USP32: variants seen among roughly 807,000 people sequenced by gnomAD.
USP32 encodes the protein ubiquitin specific peptidase 32.
Under a neutral mutation model 204.8 loss-of-function variants are expected in USP32, and 59 were observed. The observed-to-expected ratio is 0.29, with a 90% CI of 0.23 to 0.36. USP32 has a LOEUF of 0.36. Ranked by LOEUF, USP32 falls within the 10% of genes least tolerant of loss-of-function variation. The probability of loss-of-function intolerance (pLI) is 1.00; values close to 1 mark genes in which losing one functional copy is unlikely to be tolerated. For missense variants in USP32, 1,160 were observed against 1,946.4 expected (o/e 0.60, Z 7.60); for synonymous variants, 517 against 678.4 (o/e 0.76, Z 3.70).
chr17:60,405,006 C>T (rs2089964371), intron 1 of USP32, among the ~76,000 whole-genome samples: 2 of 152,016 alleles, frequency 1.3e-5, no homozygotes, highest in East Asian at 1.9e-4. Flanking sequence ...GTGAAACCCT[C>T]GTCTCTACTA....
intron 1 of USP32, among the ~76,000 whole-genome samples, chr17:60,367,950 A>T (rs1239509180): frequency 6.6e-6 from 1 of 152,016 alleles, no homozygotes; most frequent in Non-Finnish European, 1.5e-5. Context: ...CTTACACTGT[A>T]TTAGGAATTA....
At chr17:60,227,231 C>T (rs373888511) in intron 12 of USP32, among the ~76,000 whole-genome samples, 155 of 150,068 alleles carry the variant, frequency 1.0e-3, no homozygotes, top group Non-Finnish European at 1.2e-3. Flanking sequence ...TTATTGCCTT[C>T]TATTTCTGGC....
chr17:60,342,739 C>T (rs900260098), intron 2 of USP32, among the ~76,000 whole-genome samples: 11 of 152,220 alleles, frequency 7.2e-5, no homozygotes, highest in Non-Finnish European at 1.2e-4. Context: ...GAGTCAGGCA[C>T]GGGAGAGAAT....
intron 2 of USP32, among the ~76,000 whole-genome samples, chr17:60,338,972 T>C (rs1378294846): frequency 6.6e-6 from 1 of 152,102 alleles, no homozygotes; most frequent in Non-Finnish European, 1.5e-5. Flanking sequence ...AGCAGTGACG[T>C]GATCTTGGCT....
chr17:60,226,074 G>T lies in USP32; in HGVS notation c.1397C>A (p.Ser466Tyr). 3 of 1,606,290 alleles carry T rather than the reference G, an allele frequency of 1.9e-6. No individual in the cohort carries two copies. The highest frequency in any genetic ancestry group is 2.5e-6 in the Non-Finnish European group (3 of 1,177,376). Residue 466 changes from serine to tyrosine, a missense_variant, in exon 13 of 34, where the codon TCT becomes TAT. Coordinates refer to ENST00000300896, the MANE Select transcript of USP32 (RefSeq NM_032582.4). ...TTEEKFSDNISTASEASETAG... is the reference protein window; with the variant it reads ...TTEEKFSDNIYTASEASETAG... ...AGTTTCTGAGGCTTCAGATGCAGTA[G>T]AAATGTTGTCTGAAAATTTCTCTTC...
chr17:60,391,713 C>T (rs2089837518), intron 1 of USP32, among the ~76,000 whole-genome samples, 169 bp downstream of exon 1: 1 of 152,140 alleles, frequency 6.6e-6, no homozygotes, highest in African/African-American at 2.4e-5. Context: ...CCAAACGCTG[C>T]TTCCCACCCG....
chr17:60,242,649 A>G (rs1392111331), intron 11 of USP32, among the ~76,000 whole-genome samples: 1 of 152,076 alleles, frequency 6.6e-6, no homozygotes, highest in Non-Finnish European at 1.5e-5. Context: ...GACATCAGTG[A>G]AACCACCTCT....
intron 6 of USP32, among the ~76,000 whole-genome samples, chr17:60,270,559 C>T (rs1055348172): frequency 2.6e-5 from 4 of 152,164 alleles, no homozygotes; most frequent in Non-Finnish European, 5.9e-5. Context: ...CGCAGTGGCT[C>T]ACGCCTGTAA....
chr17:60,226,058 G>A lies in USP32; in HGVS notation c.1413C>T (p.Ala471=). Residue 471 remains alanine, a synonymous_variant, in exon 13 of 34, where the codon GCC becomes GCT. Coordinates refer to ENST00000300896, the MANE Select transcript of USP32 (RefSeq NM_032582.4). ...ATTTACCGCTGCCAGCAGTTTCTGAGGCTTCAGATGCAGTAGAAATGTTGT... is the reference window on the plus strand; with the variant it reads ...ATTTACCGCTGCCAGCAGTTTCTGAAGCTTCAGATGCAGTAGAAATGTTGT... ...FSDNISTASE[A]SETAGSGFLY... is the part of the protein sequence containing the mutation. 1 of 1,603,902 alleles carries A rather than the reference G, an allele frequency of 6.2e-7. No individual in the cohort carries two copies. Among genetic ancestry groups the A allele is most frequent in the Non-Finnish European group, 8.5e-7 (1 of 1,176,404 alleles).
At chr17:60,412,420 G>A (rs532437188) in intron 1 of USP32, among the ~76,000 whole-genome samples, 5 of 151,808 alleles carry the variant, frequency 3.3e-5, no homozygotes, top group South Asian at 2.1e-4. Context: ...GCGGTGGGGC[G>A]GGGGAGCAGG....
At chr17:60,214,311 G>T (rs554012629) in intron 17 of USP32, among the ~76,000 whole-genome samples, 1 of 152,096 alleles carries the variant, frequency 6.6e-6, no homozygotes, top group Non-Finnish European at 1.5e-5. Flanking sequence ...AATAATCTTT[G>T]AAAGATAGTA....
intron 2 of USP32, among the ~76,000 whole-genome samples, chr17:60,344,403 C>G (rs1447133386): frequency 2.0e-5 from 3 of 152,084 alleles, no homozygotes; most frequent in Non-Finnish European, 2.9e-5. Context: ...GCGGGGATTA[C>G]AGGTGTGAGA....
intron 1 of USP32, among the ~76,000 whole-genome samples, chr17:60,347,875 C>G (rs1006878440): frequency 2.0e-5 from 3 of 151,794 alleles, no homozygotes; most frequent in African/African-American, 7.2e-5. Context: ...GTAATCCCAG[C>G]ACTTTGGGAG....
chr17:60,282,354 T>C (rs747364925), intron 5 of USP32, among the ~76,000 whole-genome samples: 1 of 152,022 alleles, frequency 6.6e-6, no homozygotes, highest in African/African-American at 2.4e-5. Context: ...AAAAACATAG[T>C]ATACTCTTTT....
intron 10 of USP32, among the ~76,000 whole-genome samples, chr17:60,253,193 C>A (rs2086211726): frequency 6.6e-6 from 1 of 152,284 alleles, no homozygotes; most frequent in Non-Finnish European, 1.5e-5. Context: ...ATGCTATACT[C>A]TGTGAGAGCT....
Position 60,233,410 on chromosome 17 carries a change from T to A in USP32, c.1239+2728A>T, listed in dbSNP as rs573730203. Among the ~76,000 whole-genome samples, 4 of 152,228 alleles carry A rather than the reference T, an allele frequency of 2.6e-5. No homozygotes were observed. The South Asian group carries it at 8.3e-4, about 32-fold the overall frequency. On this transcript the variant is annotated intron_variant, in intron 12 of 33. Transcript: ENST00000300896. ...ATGAGGTTGAGGCTGTAGTGAGCTA[T>A]GATTGTGCCACTACACTCCAGCCTG...
intron 2 of USP32, among the ~76,000 whole-genome samples, chr17:60,328,952 G>A (rs1403236254): frequency 1.3e-5 from 2 of 152,108 alleles, no homozygotes; most frequent in East Asian, 1.9e-4. Context: ...CCTGACTCAC[G>A]CAGTCTCCCT....
chr17:60,232,546 ATTT>A (rs11344960), intron 12 of USP32, among the ~76,000 whole-genome samples: 13 of 100,726 alleles, frequency 1.3e-4, no homozygotes, highest in African/African-American at 3.4e-4. Context: ...GAGAAATTTG[ATTT>A]TTTTTTTTTT....
intron 3 of USP32, 53 bp from the exon 4 acceptor site, chr17:60,294,854 T>C: frequency 8.2e-7 from 1 of 1,214,600 alleles, no homozygotes; most frequent in Non-Finnish European, 1.2e-6. Flanking sequence ...CAAATATACG[T>C]TGGTGGAAGT....
Sources: allele counts gnomAD v4.1 joint callset (sites outside exome capture counted in the v4.1 genomes callset), GRCh38; gene constraint gnomAD v4.1.1; transcripts MANE v1.5; gene names NCBI Gene and HGNC (gene_info 2026-07-23, HGNC 2026-07-21).